The following CNTNAP3 variants were observed in gnomAD, a reference collection of about 807,000 sequenced individuals.
CNTNAP3 encodes the protein contactin associated protein family member 3, also known as contactin-associated protein-like 3.
A neutral mutation model predicts 92.1 loss-of-function variants in CNTNAP3; 36 were observed. That is an observed-to-expected ratio of 0.39 (90% CI 0.30 to 0.52). The LOEUF (loss-of-function observed/expected upper bound fraction) is 0.52, where lower values mean the gene tolerates loss of function less well. Ranked by LOEUF, CNTNAP3 falls within the 20% of genes least tolerant of loss-of-function variation. The pLI, the probability that CNTNAP3 is intolerant of heterozygous loss-of-function variation, is 0.76. For synonymous variants in CNTNAP3, 232 were observed against 422.3 expected (o/e 0.55, Z 5.53); for missense variants, 534 against 1,069.6 (o/e 0.50, Z 6.98).
intron 20 of CNTNAP3, 168 bp downstream of exon 20, chr9:39,086,548 C>T: frequency 1.2e-6 from 1 of 856,478 alleles, no homozygotes; most frequent in Non-Finnish European, 1.7e-6. Flanking sequence ...GAATAAACAA[C>T]CACCTCCTCT....
intron 13 of CNTNAP3, among the ~76,000 whole-genome samples, chr9:39,127,154 A>C (rs1424803245): frequency 6.6e-6 from 1 of 152,152 alleles, no homozygotes; most frequent in African/African-American, 2.4e-5. Flanking sequence ...ATACACTTCT[A>C]AATAAGCTAC....
At chr9:39,113,078 G>C (rs573696049) in intron 14 of CNTNAP3, among the ~76,000 whole-genome samples, 194 of 152,054 alleles carry the variant, frequency 1.3e-3, no homozygotes, top group African/African-American at 4.5e-3. Context: ...GTTATGGGGG[G>C]GCTGTCCTGT....
At chr9:39,159,095 G>C (rs1822018758) in intron 9 of CNTNAP3, 1 of 147,822 alleles carries the variant, frequency 6.8e-6, no homozygotes, top group African/African-American at 2.5e-5. Context: ...TGTGGTTGCT[G>C]CGTATCTGTT....
intron 13 of CNTNAP3, among the ~76,000 whole-genome samples, chr9:39,132,150 G>A (rs1821308863): frequency 1.3e-5 from 2 of 151,984 alleles, no homozygotes; most frequent in African/African-American, 4.8e-5. Context: ...TACTATTTGG[G>A]ATTGCTAAAA....
chr9:39,119,182 T>G (rs1434442838), intron 13 of CNTNAP3, among the ~76,000 whole-genome samples: 1 of 152,114 alleles, frequency 6.6e-6, no homozygotes, highest in African/African-American at 2.4e-5. Flanking sequence ...TAAAGATGCT[T>G]GATCATGTGG....
intron 12 of CNTNAP3, among the ~76,000 whole-genome samples, chr9:39,134,966 G>T (rs1821395187): frequency 1.3e-5 from 2 of 152,200 alleles, no homozygotes; most frequent in Admixed American, 6.5e-5. Flanking sequence ...TAGATTTGCA[G>T]TCACCCATGG....
At chr9:39,104,109 AT>A (rs1211108525) in intron 15 of CNTNAP3, among the ~76,000 whole-genome samples, 195 bp from the exon 16 acceptor site, 1 of 152,154 alleles carries the variant, frequency 6.6e-6, no homozygotes, top group African/African-American at 2.4e-5. Context: ...GAGGATTAGA[AT>A]TCTGTGTTCA....
In CNTNAP3 at chr9:39,085,812, G is replaced by A. The variant is rs892253253; in HGVS notation, c.3366C>T (p.Ser1122=). 5.1e-6 allele frequency: 8 copies of A among 1,555,488 alleles called. No individual in the cohort carries two copies. The African/African-American group carries it at 5.6e-5, about 11-fold the overall frequency. ...AGGACAAGATGACTTGTTTCTTTGT[G>A]CTCTGGTTAACCTATTAGATGTCCC... ...EAVVMVEVNQ[S]TKKQVILSSG... The change falls in exon 21 of 24, where the codon AGC becomes AGT. Residue 1122 remains serine, a synonymous_variant. Transcript: ENST00000297668.
chr9:39,082,011 C>T (rs188129361), intron 21 of CNTNAP3, among the ~76,000 whole-genome samples: 3,334 of 149,626 alleles, frequency 0.022, 46 homozygotes, highest in African/African-American at 0.075. Flanking sequence ...GGCGTGAACC[C>T]GGGAGGCAGA....
chr9:39,099,419 A>G (rs945109880), intron 18 of CNTNAP3, among the ~76,000 whole-genome samples: 1 of 152,210 alleles, frequency 6.6e-6, no homozygotes, highest in East Asian at 1.9e-4. Context: ...TGCTTGTTTT[A>G]TAAGAAAAGA....
intron 14 of CNTNAP3, among the ~76,000 whole-genome samples, chr9:39,110,035 C>T (rs866886953): frequency 5.9e-4 from 90 of 152,224 alleles, no homozygotes; most frequent in African/African-American, 1.9e-3. Context: ...ATACTACACC[C>T]TTATAAGTAA....
chr9:39,129,351 C>T (rs1258982190), intron 13 of CNTNAP3, among the ~76,000 whole-genome samples: 2 of 152,082 alleles, frequency 1.3e-5, no homozygotes, highest in African/African-American at 4.8e-5. Flanking sequence ...CAATTTTTAA[C>T]AATATTTAAA....
chr9:39,150,121 G>C (rs1821808054), intron 9 of CNTNAP3, 144 bp from the exon 10 acceptor site: 2 of 625,586 alleles, frequency 3.2e-6, no homozygotes, highest in Non-Finnish European at 5.7e-6. Flanking sequence ...AGAGAGGTGA[G>C]AAGGGGCAAG....
chr9:39,081,301 T>C (rs1825926963), intron 21 of CNTNAP3, among the ~76,000 whole-genome samples: 1 of 151,910 alleles, frequency 6.6e-6, no homozygotes, highest in South Asian at 2.1e-4. Flanking sequence ...GTCTATTACC[T>C]TGACATGGCA....
At chr9:39,082,174 T>C (rs936960949) in intron 21 of CNTNAP3, among the ~76,000 whole-genome samples, 1 of 151,722 alleles carries the variant, frequency 6.6e-6, no homozygotes, top group Non-Finnish European at 1.5e-5. Context: ...ACATTTCTAG[T>C]GCTTAAAAAC....
intron 13 of CNTNAP3, among the ~76,000 whole-genome samples, chr9:39,120,761 G>A (rs948766615): frequency 5.3e-5 from 8 of 152,154 alleles, no homozygotes; most frequent in Admixed American, 5.2e-4. Flanking sequence ...AATGGCTAAA[G>A]GAGGTTTTTC....
intron 11 of CNTNAP3, among the ~76,000 whole-genome samples, chr9:39,143,141 G>A (rs929380139): frequency 1.3e-5 from 2 of 148,840 alleles, no homozygotes; most frequent in Non-Finnish European, 3.0e-5. Context: ...CAGGTTAGAG[G>A]TCAATAAAAT....
rs1184604925 is a variant in CNTNAP3, at chr9:39,065,846, T to C, written c.*8044A>G. Among the ~76,000 whole-genome samples, 2 of 152,308 alleles carry C rather than the reference T, an allele frequency of 1.3e-5. No homozygotes were observed. The highest frequency in any genetic ancestry group is 2.9e-5 in the Non-Finnish European group (2 of 68,004). ...GTTGTTAAGAGTTCTTTATGAACTA[T>C]ATTCTGAAAAAAATTTACAGCATTC... On this transcript the variant is annotated 3_prime_UTR_variant, in exon 24 of 24. Transcript: ENST00000297668.
At chr9:39,159,055 C>A (rs1822017530) in intron 9 of CNTNAP3, 2 of 144,082 alleles carry the variant, frequency 1.4e-5, no homozygotes, top group Non-Finnish European at 3.1e-5. Flanking sequence ...GAAATAAGGA[C>A]AACTTTACTT....
Sources: allele counts gnomAD v4.1 joint callset (sites outside exome capture counted in the v4.1 genomes callset), GRCh38; gene constraint gnomAD v4.1.1; transcripts MANE v1.5; gene names NCBI Gene and HGNC (gene_info 2026-07-23, HGNC 2026-07-21).